The following STK38 variants were observed in gnomAD, a reference collection of about 807,000 sequenced individuals.
The protein encoded by STK38 is serine/threonine-protein kinase 38.
Under a neutral mutation model 59.0 loss-of-function variants are expected in STK38, and 26 were observed. The ratio of observed to expected loss-of-function variants is 0.44; its 90% CI spans 0.32 to 0.61. The LOEUF is 0.61. STK38 is among the 20% of genes least tolerant of loss of function. STK38 has a pLI of 0.04. For missense variants in STK38, 433 were observed against 566.0 expected, an observed-to-expected ratio of 0.76 and a Z score of 2.38; for synonymous variants, 175 against 176.6, an observed-to-expected ratio of 0.99 and a Z score of 0.07.
chr6:36,522,733 G>A (rs541372932), intron 4 of STK38, among the ~76,000 whole-genome samples: 1 of 151,350 alleles, frequency 6.6e-6, no homozygotes, highest in East Asian at 2.0e-4. Flanking sequence ...GCAGGTGCCT[G>A]TAATCCCAGT....
chr6:36,503,841 C>T (rs111926050), intron 9 of STK38, among the ~76,000 whole-genome samples: 90 of 152,324 alleles, frequency 5.9e-4, no homozygotes, highest in African/African-American at 2.0e-3. Flanking sequence ...CTGGAGCTCG[C>T]TCGCATTTTA....
At chr6:36,501,910 T>C (rs1253448927) in intron 9 of STK38, among the ~76,000 whole-genome samples, 1 of 152,234 alleles carries the variant, frequency 6.6e-6, no homozygotes, top group Non-Finnish European at 1.5e-5. Flanking sequence ...ATTCTTTTAA[T>C]ACCTTCTTGG....
chr6:36,522,041 C>T, intron 4 of STK38: 1 of 340,108 alleles, frequency 2.9e-6, no homozygotes, highest in Non-Finnish European at 5.3e-6. Context: ...TACATCTGAA[C>T]AGCTTTGGTT....
At chr6:36,496,651 C>T in intron 13 of STK38, 60 bp downstream of exon 13, 1 of 1,294,164 alleles carries the variant, frequency 7.7e-7, no homozygotes, top group Non-Finnish European at 1.1e-6. Context: ...AACATCATCC[C>T]AAAATTGGGG....
rs1219622406 is a variant in STK38, at chr6:36,498,582, CT to C, written c.953-97del. 7 of 1,039,296 alleles carry C rather than the reference CT, an allele frequency of 6.7e-6. No individual in the cohort carries two copies. In the African/African-American group the frequency reaches 8.5e-5, roughly 13 times the overall value. 64.4% of individuals were successfully genotyped at this position (1,039,296 alleles called of 1,614,324 possible). A position where few individuals can be genotyped will look rare whatever the true frequency, so the allele number is the denominator to read the frequency against. On this transcript the variant is annotated intron_variant, in intron 10 of 13. Transcript: ENST00000229812. ...AATAAAATTCTATGTCTTTTTTTTTCTTTTTTCTTTTTTTTTTTTTTTTGAG... is the reference window on the plus strand; with the variant it reads ...AATAAAATTCTATGTCTTTTTTTTTCTTTTTCTTTTTTTTTTTTTTTTGAG...
intron 7 of STK38, among the ~76,000 whole-genome samples, chr6:36,509,212 G>C (rs961399480): frequency 7.2e-5 from 11 of 152,188 alleles, no homozygotes; most frequent in Non-Finnish European, 1.6e-4. Context: ...AGGTGAAGAG[G>C]AGCTTTACTG....
At chr6:36,540,259 G>A in intron 1 of STK38, 52 bp from the exon 2 acceptor site, 1 of 1,594,666 alleles carries the variant, frequency 6.3e-7, no homozygotes, top group South Asian at 1.1e-5. Context: ...AATCCACCCA[G>A]TGTGCACTCT....
intron 4 of STK38, chr6:36,522,072 C>A: frequency 3.4e-6 from 1 of 292,176 alleles, no homozygotes; most frequent in Non-Finnish European, 6.3e-6. Context: ...ACAAGCCAAT[C>A]TAATTTAAAA....
chr6:36,514,327 A>G (rs2127475159), intron 7 of STK38, among the ~76,000 whole-genome samples: 1 of 151,800 alleles, frequency 6.6e-6, no homozygotes, highest in African/African-American at 2.4e-5. Flanking sequence ...AAAAAAAACA[A>G]CTTCAGGTTT....
In STK38 at chr6:36,502,007, G is replaced by A. The variant is rs1355375407; in HGVS notation, c.835-2017C>T. Reference sequence around the variant, plus strand: ...CATTTAAACTTGAGGTATCTTCCATGTCCTCCAAAGTAGTTAGTCCCTATT... The same window carrying A: ...CATTTAAACTTGAGGTATCTTCCATATCCTCCAAAGTAGTTAGTCCCTATT... On this transcript the variant is annotated intron_variant, in intron 9 of 13. Transcript: ENST00000229812. Among the ~76,000 whole-genome samples the A allele has an allele frequency of 2.6e-5, 4 of 152,270 alleles. No individual in the cohort carries two copies. The East Asian group carries it at 5.8e-4, about 22-fold the overall frequency.
chr6:36,499,238 T>C (rs1469750155), intron 10 of STK38, among the ~76,000 whole-genome samples: 3 of 152,174 alleles, frequency 2.0e-5, no homozygotes, highest in Non-Finnish European at 4.4e-5. Flanking sequence ...ATGACCACCA[T>C]GCCTCTTTTT....
chr6:36,499,759 G>C, intron 10 of STK38, 114 bp downstream of exon 10: 1 of 877,986 alleles, frequency 1.1e-6, no homozygotes, highest in Admixed American at 1.8e-5. Flanking sequence ...AATTCACTTT[G>C]AAAGACAAGT....
At chr6:36,538,604 A>G (rs757856756) in intron 2 of STK38, among the ~76,000 whole-genome samples, 2 of 152,202 alleles carry the variant, frequency 1.3e-5, no homozygotes, top group Non-Finnish European at 2.9e-5. Flanking sequence ...CCTTGAAGTG[A>G]GGCAAAAAAT....
chr6:36,540,545 G>C (rs6457928), intron 1 of STK38, among the ~76,000 whole-genome samples: 36,197 of 152,106 alleles, frequency 0.24, 4,546 homozygotes, highest in East Asian at 0.39. Flanking sequence ...AAAATAAAGA[G>C]CTGTGGCTGC....
At chr6:36,510,300 G>A (rs1369856313) in intron 7 of STK38, among the ~76,000 whole-genome samples, 1 of 152,222 alleles carries the variant, frequency 6.6e-6, no homozygotes, top group East Asian at 1.9e-4. Flanking sequence ...CAGGGGGCTA[G>A]TGTGTCAGCA....
chr6:36,498,490 T>G lies in STK38; in HGVS notation c.953-4A>C, dbSNP rs576298205. The G allele has an allele frequency of 5.9e-5, 95 of 1,606,798 alleles. 2 individuals carry two copies. The Middle Eastern group carries it at 1.5e-3, about 25-fold the overall frequency. ...TCAGAACAGAAAGGTGGGTAGCCTG[T>G]AATAAAAAAGGAACTTCGGAGCTTT... On this transcript the variant is annotated splice_region_variant and splice_polypyrimidine_tract_variant and intron_variant, in intron 10 of 13. Transcript: ENST00000229812.
At chr6:36,536,111 GA>G (rs902963237) in intron 2 of STK38, among the ~76,000 whole-genome samples, 1 of 152,108 alleles carries the variant, frequency 6.6e-6, no homozygotes, top group African/African-American at 2.4e-5. Flanking sequence ...CAATGGGACA[GA>G]AAAAGAAAGC....
intron 11 of STK38, 100 bp from the exon 12 acceptor site, chr6:36,497,975 T>C: frequency 3.8e-6 from 3 of 795,818 alleles, no homozygotes; most frequent in Non-Finnish European, 5.8e-6. Context: ...CATCTCACTC[T>C]GTCACCCAGG....
chr6:36,508,474 T>C (rs1777021540), intron 7 of STK38, among the ~76,000 whole-genome samples: 1 of 152,246 alleles, frequency 6.6e-6, no homozygotes, highest in Non-Finnish European at 1.5e-5. Context: ...ATTGTTCATA[T>C]AGCTTTTCCT....
Sources: gnomAD v4.1 joint callset for allele counts (sites outside exome capture counted in the v4.1 genomes callset) on GRCh38, gnomAD v4.1.1 for gene constraint, MANE v1.5 for transcripts, NCBI Gene and HGNC (gene_info 2026-07-23, HGNC 2026-07-21) for gene names.